Variants in NKX1-1 observed in about 807,000 individuals in gnomAD.
NKX1-1 encodes NK1 transcription factor-related protein 1.
Under a neutral mutation model 1.7 loss-of-function variants are expected in NKX1-1, and 7 were observed. That is an observed-to-expected ratio of 4.22 (90% CI 2.40 to 7.92). The LOEUF (loss-of-function observed/expected upper bound fraction) is 7.92. Ranked by LOEUF, NKX1-1 falls within the 30% of genes most tolerant of loss-of-function variation. NKX1-1 has a pLI of 0.00. For synonymous variants in NKX1-1, 242 were observed against 85.3 expected (o/e 2.84, Z -10.13); for missense variants, 453 against 171.5 (o/e 2.64, Z -9.17).
Position 1,402,961 on chromosome 4 carries a change from C to A in NKX1-1, c.1318G>T (p.Ala440Ser), listed in dbSNP as rs1196310682. The A allele has an allele frequency of 3.0e-6, 2 of 665,582 alleles. No individual in the cohort carries two copies. The highest frequency in any genetic ancestry group is 3.1e-5 in the East Asian group (1 of 31,840). The allele number at this position is 665,582 out of a possible 1,614,324, so 41.2% of individuals were successfully genotyped here. A position where few individuals can be genotyped will look rare whatever the true frequency, so the allele number is the denominator to read the frequency against. Residue 440 changes from alanine (A) to serine (S), a missense_variant, in exon 2 of 2, where the codon GCG becomes TCG. By Grantham distance (99) the Ala-to-Ser change is moderately conservative (BLOSUM62 1). Coordinates refer to ENST00000422806, the MANE Select transcript of NKX1-1 (RefSeq NM_001290079.1). ...PFVLGSQTYG[A>S]PAFYAPHL The stretch of plus-strand genomic sequence containing the variant: ...AGGTGCGGCGCGTAGAAGGCGGGCG[C>A]CCCGTAGGTCTGCGAGCCCAGCACG...
At chr4:1,405,880 TG>T (rs947105400) in intron 1 of NKX1-1, 99 bp downstream of exon 1, 10 of 399,728 alleles carry the variant, frequency 2.5e-5, no homozygotes, top group Middle Eastern at 4.4e-4. Context: ...AGCCTCGGCG[TG>T]GGCCAGACCC....
At position 1,403,662 on chromosome 4, in the gene NKX1-1, G is replaced by T. The variant is rs1459051658; in HGVS notation, c.617C>A (p.Ala206Glu). ...CCGCGCCTCCTCCGCGCCTCGCGCC[G>T]CCTCCGTCTCGGGCGCTTCGTCCTC... Reference protein sequence around the residue: ...DDEDEAPETEAARGAEEARGG... With the variant: ...DDEDEAPETEEARGAEEARGG... The change falls in exon 2 of 2, where the codon GCG becomes GAG. Residue 206 changes from alanine to glutamate, a missense_variant. Ala to Glu is a moderately radical substitution (Grantham distance 107). Transcript: ENST00000422806. The T allele has an allele frequency of 4.7e-6, 3 of 633,810 alleles. No homozygotes were observed. Among genetic ancestry groups the T allele is most frequent in the Non-Finnish European group, 8.4e-6 (3 of 355,878 alleles). The allele number at this position is 633,810 out of a possible 1,614,324, so 39.3% of individuals were successfully genotyped here.
intron 1 of NKX1-1, among the ~76,000 whole-genome samples, chr4:1,404,959 A>G (rs1474019185): frequency 6.6e-6 from 1 of 152,140 alleles, no homozygotes; most frequent in Non-Finnish European, 1.5e-5. Flanking sequence ...CCTGGCCCAG[A>G]TGACTCCCCG....
chr4:1,405,405 A>G (rs766275896), intron 1 of NKX1-1, among the ~76,000 whole-genome samples: 1 of 152,108 alleles, frequency 6.6e-6, no homozygotes, highest in African/African-American at 2.4e-5. Context: ...CTTGAAAGAG[A>G]TATGCACGCG....
At chr4:1,403,846 G>A in intron 1 of NKX1-1, 31 bp from the exon 2 acceptor site, 1 of 623,314 alleles carries the variant, frequency 1.6e-6, no homozygotes, top group Non-Finnish European at 2.9e-6. Flanking sequence ...GACAGGGCAG[G>A]GCAGTTAGGA....
In NKX1-1 at chr4:1,403,341, T is replaced by C. The variant is rs1207686480; in HGVS notation, c.938A>G (p.Asn313Ser). ...FTYEQLVALE[N>S]KFKATRYLSV... The stretch of plus-strand genomic sequence containing the variant: ...CAGGTAGCGCGTGGCCTTGAACTTG[T>C]TCTCCAGCGCCACGAGCTGCTCGTA... Residue 313 changes from asparagine (N) to serine (S), a missense_variant, in exon 2 of 2, where the codon AAC (asparagine) becomes AGC (serine). Coordinates refer to ENST00000422806, the MANE Select transcript of NKX1-1 (RefSeq NM_001290079.1). 1 of 733,762 alleles carries C rather than the reference T, an allele frequency of 1.4e-6. No individual in the cohort carries two copies. The allele number at this position is 733,762 out of a possible 1,614,324, so 45.5% of individuals were successfully genotyped here.
chr4:1,404,849 G>T (rs1310063922), intron 1 of NKX1-1, among the ~76,000 whole-genome samples: 2 of 152,168 alleles, frequency 1.3e-5, no homozygotes, highest in Non-Finnish European at 2.9e-5. Context: ...TGGCCACCTG[G>T]CATGGAGGCC....
intron 1 of NKX1-1, among the ~76,000 whole-genome samples, 156 bp downstream of exon 1, chr4:1,405,824 C>T (rs1295515442): frequency 2.6e-5 from 4 of 152,250 alleles, no homozygotes; most frequent in East Asian, 1.9e-4. Context: ...GGATGGAGGC[C>T]ACGGGTGGGC....
In NKX1-1 at chr4:1,406,036, T is replaced by G; in HGVS notation, c.407A>C (p.Glu136Ala). ...SGRPPRAEEL[E>A]RRALAGAGGV... ...CCCGGCGCCGGCGAGGGCGCGGCGC[T>G]CCAGCTCCTCCGCGCGTGGCGGGCG... Residue 136 changes from glutamate to alanine, a missense_variant, in exon 1 of 2, where the codon GAG (glutamate) becomes GCG (alanine). Transcript: ENST00000422806. 2.1e-6 allele frequency: 1 copy of G among 483,884 alleles called. No individual in the cohort carries two copies. Among genetic ancestry groups the G allele is most frequent in the Non-Finnish European group, 3.6e-6 (1 of 280,280 alleles). The allele number at this position is 483,884 out of a possible 1,614,324, so 30.0% of individuals were successfully genotyped here.
intron 1 of NKX1-1, 61 bp from the exon 2 acceptor site, chr4:1,403,876 C>G (rs544510806): frequency 3.0e-4 from 159 of 534,276 alleles, no homozygotes; most frequent in Middle Eastern, 9.0e-4. Flanking sequence ...TCCCAGATCC[C>G]GCCCTCCGCG....
rs551154717 is a variant in NKX1-1, at chr4:1,403,298, G to A, written c.981C>T (p.Leu327=). The A allele has an allele frequency of 2.0e-5, 14 of 713,108 alleles. No individual in the cohort carries two copies. The South Asian group carries it at 2.1e-4, about 11-fold the overall frequency. The allele number at this position is 713,108 out of a possible 1,614,324, so 44.2% of individuals were successfully genotyped here. The change falls in exon 2 of 2, where the codon CTC becomes CTT. Residue 327 remains leucine (L), a synonymous_variant. Coordinates refer to ENST00000422806, the MANE Select transcript of NKX1-1 (RefSeq NM_001290079.1). ...TGAGGCTGAGCGACAGCGCCAGGTT[G>A]AGGCGCTCGCACACCGACAGGTAGC... is the stretch of plus-strand genomic sequence containing the variant. ...ATRYLSVCER[L]NLALSLSLTE...
intron 1 of NKX1-1, 72 bp downstream of exon 1, chr4:1,405,908 C>A (rs1720742021): frequency 2.4e-6 from 1 of 416,816 alleles, no homozygotes; most frequent in Non-Finnish European, 4.2e-6. Flanking sequence ...CCACGGTGTC[C>A]CAGGGTCGTA....
Position 1,406,241 on chromosome 4 carries a change from C to T in NKX1-1, c.202G>A (p.Ala68Thr), listed in dbSNP as rs888398643. ...GGCGCTGCGGGCCGGGCCGCTCCAG[C>T]CCCCTCGGGCGCCGCAGGCACAGTG... ...SDTVPAAPEG[A>T]GAARPAAPLR... is the part of the protein sequence containing the mutation. Residue 68 changes from alanine to threonine, a missense_variant, in exon 1 of 2, where the codon GCT (alanine) becomes ACT (threonine). Ala to Thr is a moderately conservative substitution (Grantham distance 58). Coordinates refer to ENST00000422806, the MANE Select transcript of NKX1-1 (RefSeq NM_001290079.1). 1 of 485,822 alleles carries T rather than the reference C, an allele frequency of 2.1e-6. No individual in the cohort carries two copies. Among genetic ancestry groups the T allele is most frequent in the Non-Finnish European group, 3.6e-6 (1 of 278,530 alleles). The allele number at this position is 485,822 out of a possible 1,614,324, so 30.1% of individuals were successfully genotyped here.
At chr4:1,405,916 G>A (rs2109345506) in intron 1 of NKX1-1, 64 bp downstream of exon 1, 1 of 424,936 alleles carries the variant, frequency 2.4e-6, no homozygotes, top group Non-Finnish European at 4.1e-6. Flanking sequence ...TCCCAGGGTC[G>A]TAAACGCATA....
chr4:1,403,744 C>G lies in NKX1-1; in HGVS notation c.535G>C (p.Gly179Arg). ...DTNGYSSGGGGHSPSADSGDE... is the reference protein window; with the variant it reads ...DTNGYSSGGGRHSPSADSGDE... ...CCGCTGTCCGCGCTCGGGCTGTGGCCGCCGCCGCCGCTGCTGTAGCCGTTG... is the reference window on the plus strand; with the variant it reads ...CCGCTGTCCGCGCTCGGGCTGTGGCGGCCGCCGCCGCTGCTGTAGCCGTTG... The change falls in exon 2 of 2, where the codon GGC becomes CGC. Residue 179 changes from glycine (G) to arginine (R), a missense_variant. Gly to Arg is a moderately radical substitution (Grantham distance 125). Coordinates refer to ENST00000422806, the MANE Select transcript of NKX1-1 (RefSeq NM_001290079.1). 1.5e-6 allele frequency: 1 copy of G among 680,240 alleles called. No individual in the cohort carries two copies. The highest frequency in any genetic ancestry group is 2.7e-6 in the Non-Finnish European group (1 of 375,910). 42.1% of individuals were successfully genotyped at this position (680,240 alleles called of 1,614,324 possible). A position where few individuals can be genotyped will look rare whatever the true frequency, so the allele number is the denominator to read the frequency against.
Position 1,403,743 on chromosome 4 carries a change from C to A in NKX1-1, c.536G>T (p.Gly179Val). 1.5e-6 allele frequency: 1 copy of A among 680,360 alleles called. No homozygotes were observed. The highest frequency in any genetic ancestry group is 1.5e-5 in the South Asian group (1 of 65,806). The allele number at this position is 680,360 out of a possible 1,614,324, so 42.1% of individuals were successfully genotyped here. Residue 179 changes from glycine (G) to valine (V), a missense_variant, in exon 2 of 2, where the codon GGC (glycine) becomes GTC (valine). Physicochemically the swap from Gly to Val is moderately radical, Grantham distance 109 (BLOSUM62 -3). Transcript: ENST00000422806. ...DTNGYSSGGG[G>V]HSPSADSGDE... ...CCCGCTGTCCGCGCTCGGGCTGTGG[C>A]CGCCGCCGCCGCTGCTGTAGCCGTT...
intron 1 of NKX1-1, 29 bp downstream of exon 1, chr4:1,405,951 C>T: frequency 2.2e-6 from 1 of 446,862 alleles, no homozygotes. Flanking sequence ...CCCGTCCCTG[C>T]GACCTGGTGC....
In NKX1-1 at chr4:1,406,425, G is replaced by C. The variant is rs570151861; in HGVS notation, c.18C>G (p.Pro6=). MSASG[P]EAPGDIPALP... is the part of the protein sequence containing the mutation. ...GCGCGGGAATGTCCCCAGGAGCCTC[G>C]GGGCCGCTAGCGCTCATGCCGGCCT... Residue 6 remains proline (P), a synonymous_variant, in exon 1 of 2, where the codon CCC becomes CCG. Transcript: ENST00000422806. The C allele has an allele frequency of 5.9e-6, 2 of 340,240 alleles. No homozygotes were observed. Among genetic ancestry groups the C allele is most frequent in the Admixed American group, 4.9e-5 (1 of 20,596 alleles). 21.1% of individuals were successfully genotyped at this position (340,240 alleles called of 1,614,324 possible).
intron 1 of NKX1-1, among the ~76,000 whole-genome samples, chr4:1,405,612 C>T (rs1720735742): frequency 6.6e-6 from 1 of 152,028 alleles, no homozygotes; most frequent in Non-Finnish European, 1.5e-5. Context: ...GGGAGGGAGG[C>T]CTCGGGCGGG....
Sources: gnomAD v4.1 joint callset for allele counts (sites outside exome capture counted in the v4.1 genomes callset) on GRCh38, gnomAD v4.1.1 for gene constraint, MANE v1.5 for transcripts, NCBI Gene and HGNC (gene_info 2026-07-23, HGNC 2026-07-21) for gene names.